Variants in ACVR2A observed in about 807,000 individuals in gnomAD.
The protein encoded by ACVR2A is activin receptor type-2A.
ACVR2A carries 7 observed loss-of-function variants against 61.4 expected under a neutral mutation model. The ratio of observed to expected loss-of-function variants is 0.11; its 90% CI spans 0.06 to 0.21. The LOEUF (loss-of-function observed/expected upper bound fraction) is 0.21, where lower values mean the gene tolerates loss of function less well. ACVR2A is among the 10% of genes least tolerant of loss of function. ACVR2A has a pLI of 1.00. For missense variants in ACVR2A, 322 were observed against 621.7 expected (o/e 0.52, Z 5.13); for synonymous variants, 193 against 208.3 (o/e 0.93, Z 0.63).
chr2:147,845,016 T>TTTG (rs1685266848), upstream of ACVR2A: 3 of 210,850 alleles, frequency 1.4e-5, no homozygotes, highest in African/African-American at 7.7e-5. Context: ...TTTTTTTTTT[T>TTTG]TTTTTTTTTT....
At chr2:147,879,967 T>C (rs764868740) in intron 1 of ACVR2A, among the ~76,000 whole-genome samples, 1 of 152,154 alleles carries the variant, frequency 6.6e-6, no homozygotes, top group Non-Finnish European at 1.5e-5. Context: ...TTCCCTGATG[T>C]TCTTTTTTGT....
In ACVR2A at chr2:147,920,400, A is replaced by C; in HGVS notation, c.1077+56A>C. The C allele has an allele frequency of 2.2e-6, 3 of 1,347,356 alleles. No individual in the cohort carries two copies. In the South Asian group the frequency reaches 3.6e-5, roughly 16 times the overall value. The allele number at this position is 1,347,356 out of a possible 1,614,324, so 83.5% of individuals were successfully genotyped here. A position where few individuals can be genotyped will look rare whatever the true frequency, so the allele number is the denominator to read the frequency against. On this transcript the variant is annotated intron_variant, in intron 8 of 10. Transcript: ENST00000241416. ...AAATAAACTTGTTCCATATTTTCTT[A>C]GAATGGCATGTCAGGACTGAATTAG... is the stretch of plus-strand genomic sequence containing the variant.
Position 147,922,867 on chromosome 2 carries a change from T to G in ACVR2A, c.1078-106T>G, listed in dbSNP as rs770418641. On this transcript the variant is annotated intron_variant, in intron 8 of 10. Coordinates refer to ENST00000241416, the MANE Select transcript of ACVR2A (RefSeq NM_001616.5). ...ATTTATACGCTATAGTGTGTATACC[T>G]TACCCTGGTAATAGACCACATTTGG... 4.8e-4 allele frequency: 566 copies of G among 1,181,518 alleles called. 6 individuals carry two copies. Among genetic ancestry groups the G allele is most frequent in the Middle Eastern group, 2.1e-4 (1 of 4,736 alleles). 73.2% of individuals were successfully genotyped at this position (1,181,518 alleles called of 1,614,324 possible). A position where few individuals can be genotyped will look rare whatever the true frequency, so the allele number is the denominator to read the frequency against.
At chr2:147,880,494 A>T (rs1352025109) in intron 1 of ACVR2A, among the ~76,000 whole-genome samples, 1 of 152,200 alleles carries the variant, frequency 6.6e-6, no homozygotes, top group Non-Finnish European at 1.5e-5. Flanking sequence ...CTTGATAAAG[A>T]TGTATACTTG....
At chr2:147,857,532 T>TAA (rs1003153545) in intron 1 of ACVR2A, among the ~76,000 whole-genome samples, 71 of 111,448 alleles carry the variant, frequency 6.4e-4, no homozygotes, top group African/African-American at 1.3e-3. Context: ...TGGTTTTCTT[T>TAA]AAAAAAAAAA....
chr2:147,871,991 G>A (rs1659975291), intron 1 of ACVR2A, among the ~76,000 whole-genome samples: 1 of 152,058 alleles, frequency 6.6e-6, no homozygotes, highest in Admixed American at 6.6e-5. Context: ...TTTTATTTAT[G>A]AAGATTGCTT....
intron 1 of ACVR2A, among the ~76,000 whole-genome samples, chr2:147,879,605 A>C (rs1686246309): frequency 6.6e-6 from 1 of 152,244 alleles, no homozygotes; most frequent in African/African-American, 2.4e-5. Flanking sequence ...TGATGTTCAA[A>C]GAGTGTCCAC....
chr2:147,904,392 C>T (rs1338846542), intron 4 of ACVR2A, among the ~76,000 whole-genome samples: 1 of 151,888 alleles, frequency 6.6e-6, no homozygotes, highest in Non-Finnish European at 1.5e-5. Flanking sequence ...TATATTTGTG[C>T]TGATAAAATA....
chr2:147,890,372 A>G (rs903901994), intron 1 of ACVR2A, among the ~76,000 whole-genome samples: 1 of 91,434 alleles, frequency 1.1e-5, no homozygotes, highest in Non-Finnish European at 2.5e-5. Flanking sequence ...GTGTGTGTAT[A>G]CACACATACA....
At chr2:147,904,311 G>A (rs1169228747) in intron 4 of ACVR2A, among the ~76,000 whole-genome samples, 1 of 151,978 alleles carries the variant, frequency 6.6e-6, no homozygotes, top group East Asian at 1.9e-4. Flanking sequence ...TGTGGTTAGA[G>A]TTAATGCAGT....
At chr2:147,855,596 T>A (rs971722922) in intron 1 of ACVR2A, among the ~76,000 whole-genome samples, 15 of 152,200 alleles carry the variant, frequency 9.9e-5, no homozygotes, top group Non-Finnish European at 1.9e-4. Context: ...GCTTTGAACA[T>A]TCTCTGATTG....
intron 4 of ACVR2A, among the ~76,000 whole-genome samples, chr2:147,908,839 C>T (rs1687050447): frequency 6.6e-6 from 1 of 152,032 alleles, no homozygotes; most frequent in Admixed American, 6.6e-5. Flanking sequence ...GTCTCTCTCT[C>T]TCTAGATACA....
At chr2:147,864,328 C>G (rs745766436) in intron 1 of ACVR2A, among the ~76,000 whole-genome samples, 4 of 152,144 alleles carry the variant, frequency 2.6e-5, no homozygotes, top group Non-Finnish European at 5.9e-5. Context: ...CTCCCAGTTT[C>G]AAGCAATTCT....
At chr2:147,856,594 A>G (rs776355500) in intron 1 of ACVR2A, among the ~76,000 whole-genome samples, 18 of 152,146 alleles carry the variant, frequency 1.2e-4, no homozygotes, top group Non-Finnish European at 2.4e-4. Context: ...ATAACCTAAG[A>G]CTCAAAATGA....
chr2:147,899,637 G>A, intron 3 of ACVR2A, 70 bp downstream of exon 3: 19 of 1,578,276 alleles, frequency 1.2e-5, no homozygotes, highest in Non-Finnish European at 1.6e-5. Context: ...TTGTGTTGAT[G>A]GAATAATTTG....
At chr2:147,924,027 A>T (rs1263321056) in intron 9 of ACVR2A, among the ~76,000 whole-genome samples, 1 of 152,094 alleles carries the variant, frequency 6.6e-6, no homozygotes, top group African/African-American at 2.4e-5. Flanking sequence ...TAGAGTGTTC[A>T]GAAATGGGCA....
intron 1 of ACVR2A, among the ~76,000 whole-genome samples, chr2:147,846,270 T>C (rs1203227061): frequency 9.2e-5 from 14 of 151,386 alleles, no homozygotes; most frequent in Admixed American, 9.2e-4. Context: ...TGGCATAGAA[T>C]TACGGGGGAC....
chr2:147,867,230 G>C (rs1685879402), intron 1 of ACVR2A, among the ~76,000 whole-genome samples: 1 of 152,072 alleles, frequency 6.6e-6, no homozygotes, highest in South Asian at 2.1e-4. Context: ...TGAGGAAGTG[G>C]TTTCAGCTGT....
At chr2:147,889,778 T>C (rs890163346) in intron 1 of ACVR2A, among the ~76,000 whole-genome samples, 2 of 151,890 alleles carry the variant, frequency 1.3e-5, no homozygotes, top group Non-Finnish European at 2.9e-5. Context: ...TGCAGAGTTA[T>C]GGTAAAACAT....
Sources: allele counts gnomAD v4.1 joint callset (sites outside exome capture counted in the v4.1 genomes callset), GRCh38; gene constraint gnomAD v4.1.1; transcripts MANE v1.5; gene names NCBI Gene and HGNC (gene_info 2026-07-23, HGNC 2026-07-21).